The following MPRIP variants were observed in gnomAD, a reference collection of about 807,000 sequenced individuals.
MPRIP encodes myosin phosphatase Rho interacting protein.
A neutral mutation model predicts 234.9 loss-of-function variants in MPRIP; 59 were observed. That is an observed-to-expected ratio of 0.25 (90% confidence interval 0.20 to 0.31). The LOEUF (loss-of-function observed/expected upper bound fraction) is 0.31. Among genes scored for constraint, MPRIP ranks in the 10% least tolerant of loss-of-function variants. The pLI, the probability that MPRIP is intolerant of heterozygous loss-of-function variation, is 1.00. For missense variants in MPRIP, 2,436 were observed against 3,071.0 expected, an observed-to-expected ratio of 0.79 and a Z score of 4.89; for synonymous variants, 1,144 against 1,263.9, an observed-to-expected ratio of 0.91 and a Z score of 2.01.
chr17:17,050,820 T>TGGGGAGCC (rs2088515654), intron 1 of MPRIP, among the ~76,000 whole-genome samples: 1 of 151,722 alleles, frequency 6.6e-6, no homozygotes, highest in Non-Finnish European at 1.5e-5. Context: ...GCCTGTCCTG[T>TGGGGAGCC]GGGGAGCCGG....
intron 11 of MPRIP, among the ~76,000 whole-genome samples, chr17:17,148,212 C>T (rs2045521678): frequency 6.6e-6 from 1 of 152,094 alleles, no homozygotes; most frequent in African/African-American, 2.4e-5. Flanking sequence ...CTGGTGGTGT[C>T]CAGCGTTGGG....
At chr17:17,180,237 T>A in intron 23 of MPRIP, 149 bp downstream of exon 23, 2 of 672,928 alleles carry the variant, frequency 3.0e-6, no homozygotes, top group Non-Finnish European at 5.0e-6. Flanking sequence ...CCTGCTGGGC[T>A]GGTTCTGGTG....
At chr17:17,069,147 C>T (rs2089130332) in intron 1 of MPRIP, among the ~76,000 whole-genome samples, 2 of 152,186 alleles carry the variant, frequency 1.3e-5, no homozygotes. Flanking sequence ...CTCACTATGT[C>T]TCAGTGAATT....
Position 17,164,664 on chromosome 17 carries a change from C to G in MPRIP, c.3073C>G (p.Leu1025Val). 1 of 1,246,718 alleles carries G rather than the reference C, an allele frequency of 8.0e-7. No homozygotes were observed. Among genetic ancestry groups the G allele is most frequent in the Non-Finnish European group, 1.0e-6 (1 of 964,154 alleles). 77.2% of individuals were successfully genotyped at this position (1,246,718 alleles called of 1,614,324 possible). A position where few individuals can be genotyped will look rare whatever the true frequency, so the allele number is the denominator to read the frequency against. The change falls in exon 16 of 24, where the codon CTG (leucine) becomes GTG (valine). Residue 1025 changes from leucine (L) to valine (V), a missense_variant. By Grantham distance (32) the Leu-to-Val change is conservative. Coordinates refer to ENST00000651222, the MANE Select transcript of MPRIP (RefSeq NM_001364716.4). ...GAAGCTGCAGAGAAACTATGAGCTG[C>G]TGCTGGAGAGCTGTGAGAAGGAGAA... Reference protein sequence around the residue: ...EEKLQRNYELLLESCEKEKQA... With the variant: ...EEKLQRNYELVLESCEKEKQA...
Position 17,067,345 on chromosome 17 carries a change from C to T in MPRIP, c.124-8365C>T, listed in dbSNP as rs972955395. On this transcript the variant is annotated intron_variant, in intron 1 of 23. Coordinates refer to ENST00000651222, the MANE Select transcript of MPRIP (RefSeq NM_001364716.4). Reference sequence around the variant, plus strand: ...TGCTTTGGGGCCATTATGTATAATACTAGCTGGATGCACAAGCACTGCAAC... The same window carrying T: ...TGCTTTGGGGCCATTATGTATAATATTAGCTGGATGCACAAGCACTGCAAC... Among the ~76,000 whole-genome samples the T allele has an allele frequency of 2.0e-5, 3 of 152,082 alleles. No homozygotes were observed. In the South Asian group the frequency reaches 6.2e-4, roughly 32 times the overall value.
At chr17:17,155,878 C>T (rs1032150704) in intron 13 of MPRIP, among the ~76,000 whole-genome samples, 1 of 152,260 alleles carries the variant, frequency 6.6e-6, no homozygotes, top group African/African-American at 2.4e-5. Flanking sequence ...GCCTCAGCTA[C>T]TGCTTCCATG....
At chr17:17,096,918 G>T in intron 3 of MPRIP, 2 of 415,016 alleles carry the variant, frequency 4.8e-6, no homozygotes, top group Non-Finnish European at 1.0e-5. Flanking sequence ...AATCTCGTCG[G>T]CTGCTGGGAA....
chr17:17,168,739 TC>T (rs2046063220), intron 16 of MPRIP: 1 of 407,630 alleles, frequency 2.5e-6, no homozygotes, highest in Non-Finnish European at 5.0e-6. Context: ...TTATGTTCCT[TC>T]CACTCAGGAA....
intron 3 of MPRIP, among the ~76,000 whole-genome samples, chr17:17,079,893 T>C (rs1404278455): frequency 6.6e-6 from 1 of 152,242 alleles, no homozygotes; most frequent in Non-Finnish European, 1.5e-5. Context: ...TGAGGCCGCT[T>C]AGCCAGGAGC....
In MPRIP at chr17:17,166,347, A is replaced by G. The variant is rs1206075608; in HGVS notation, c.4756A>G (p.Thr1586Ala). Residue 1586 changes from threonine (T) to alanine (A), a missense_variant, in exon 16 of 24, where the codon ACA (threonine) becomes GCA (alanine). Coordinates refer to ENST00000651222, the MANE Select transcript of MPRIP (RefSeq NM_001364716.4). The surrounding 1 kb of genome is among the most constrained non-coding windows in gnomAD (Gnocchi z 4.4). The part of the protein sequence containing the change: ...ISQIADSLKN[T>A]TSDVSRMLHE... ...CCAGATAGCAGATTCCCTGAAGAAC[A>G]CAACATCAGATGTCTCCCGAATGCT... 1.5e-6 allele frequency: 2 copies of G among 1,304,556 alleles called. No homozygotes were observed. The highest frequency in any genetic ancestry group is 2.5e-5 in the South Asian group (2 of 81,032). 80.8% of individuals were successfully genotyped at this position (1,304,556 alleles called of 1,614,324 possible). A position where few individuals can be genotyped will look rare whatever the true frequency, so the allele number is the denominator to read the frequency against.
chr17:17,109,956 G>A (rs1295346107), intron 3 of MPRIP, among the ~76,000 whole-genome samples: 1 of 152,188 alleles, frequency 6.6e-6, no homozygotes, highest in Non-Finnish European at 1.5e-5. Context: ...ATGGTGTAGT[G>A]TGGATGTTTG....
intron 1 of MPRIP, among the ~76,000 whole-genome samples, chr17:17,054,712 A>G (rs1227259634): frequency 2.0e-5 from 3 of 152,032 alleles, no homozygotes; most frequent in African/African-American, 7.2e-5. Flanking sequence ...GTTGAATGAA[A>G]TGGCATTATT....
intron 3 of MPRIP, among the ~76,000 whole-genome samples, chr17:17,115,044 G>A (rs779197926): frequency 3.3e-5 from 5 of 152,256 alleles, no homozygotes; most frequent in African/African-American, 4.8e-5. Context: ...CCCAGCCCAC[G>A]CACTGCAGCA....
At chr17:17,159,120 G>A (rs2045805907) in intron 14 of MPRIP, 118 bp downstream of exon 14, 2 of 1,053,986 alleles carry the variant, frequency 1.9e-6, no homozygotes, top group Admixed American at 2.6e-5. Context: ...GGGACTTGCA[G>A]ACCCCTAGGG....
At chr17:17,132,146 C>T (rs1465470409) in intron 5 of MPRIP, among the ~76,000 whole-genome samples, 1 of 152,148 alleles carries the variant, frequency 6.6e-6, no homozygotes, top group African/African-American at 2.4e-5. Flanking sequence ...TGCTGCAACT[C>T]CCATGTGACC....
chr17:17,113,315 G>C (rs1397658268), intron 3 of MPRIP, among the ~76,000 whole-genome samples: 1 of 152,200 alleles, frequency 6.6e-6, no homozygotes, highest in African/African-American at 2.4e-5. Context: ...GCCAGTAGCT[G>C]TTCTCACCCT....
chr17:17,093,487 C>CG (rs2089767764), intron 3 of MPRIP, among the ~76,000 whole-genome samples: 1 of 151,992 alleles, frequency 6.6e-6, no homozygotes, highest in South Asian at 2.1e-4. Flanking sequence ...TTATTTTTTC[C>CG]GGGGCAGGGG....
At chr17:17,170,339 C>T (rs1462680836) in intron 16 of MPRIP, 1 of 152,182 alleles carries the variant, frequency 6.6e-6, no homozygotes. Flanking sequence ...CGAGCTCCTG[C>T]AGCCGTCCTG....
intron 14 of MPRIP, 52 bp from the exon 15 acceptor site, chr17:17,161,188 C>A: frequency 7.4e-7 from 1 of 1,356,096 alleles, no homozygotes; most frequent in Non-Finnish European, 1.0e-6. Context: ...TGTGCAGCTG[C>A]TTTGTTTATC....
Sources: gnomAD v4.1 joint callset for allele counts (sites outside exome capture counted in the v4.1 genomes callset) on GRCh38, gnomAD v4.1.1 for gene constraint, Gnocchi (gnomAD v3.1) non-coding constraint, MANE v1.5 for transcripts, NCBI Gene and HGNC (gene_info 2026-07-23, HGNC 2026-07-21) for gene names.